Variants in GSE1 observed in about 807,000 individuals in gnomAD.
GSE1 encodes the protein Gse1 coiled-coil protein, also known as genetic suppressor element 1.
A neutral mutation model predicts 112.6 loss-of-function variants in GSE1; 32 were observed. The ratio of observed to expected loss-of-function variants is 0.28; its 90% CI spans 0.21 to 0.38. GSE1 has a LOEUF of 0.38. Ranked by LOEUF, GSE1 falls within the 10% of genes least tolerant of loss-of-function variation. GSE1 has a pLI of 1.00. For missense variants in GSE1, 2,348 were observed against 1,699.2 expected (o/e 1.38, Z -6.71); for synonymous variants, 1,115 against 735.6 (o/e 1.52, Z -8.35).
Position 85,500,365 on chromosome 16 carries a change from G to A in GSE1, c.2465-133549G>A, listed in dbSNP as rs554057140. ...TTTTCAATAGGTTTCAATCAATTAC[G>A]TGTGGTCTTGGGGAAGGGGAAGTGC... On this transcript the variant is annotated intron_variant, in intron 2 of 2. Transcript: ENST00000637419. Among the ~76,000 whole-genome samples, 15 of 152,310 alleles carry A rather than the reference G, an allele frequency of 9.8e-5. No individual in the cohort carries two copies. In the East Asian group the frequency reaches 2.5e-3, roughly 25 times the overall value.
At chr16:85,442,561 T>G (rs1213696262) in intron 2 of GSE1, among the ~76,000 whole-genome samples, 1 of 152,140 alleles carries the variant, frequency 6.6e-6, no homozygotes, top group Non-Finnish European at 1.5e-5. Context: ...TTGCACAGCA[T>G]CTAGGATCTG....
At chr16:85,312,886 C>G (rs1231668643) in intron 1 of GSE1, among the ~76,000 whole-genome samples, 1 of 152,126 alleles carries the variant, frequency 6.6e-6, no homozygotes, top group Non-Finnish European at 1.5e-5. Flanking sequence ...CCAACCCTGT[C>G]TAGGCTGGTG....
At chr16:85,388,172 A>ATGGG (rs1464667805) in intron 2 of GSE1, among the ~76,000 whole-genome samples, 1 of 141,234 alleles carries the variant, frequency 7.1e-6, no homozygotes, top group Non-Finnish European at 1.5e-5. Context: ...GAGTGGGTGG[A>ATGGG]TGGGTGGGTG....
intron 2 of GSE1, among the ~76,000 whole-genome samples, chr16:85,470,784 G>A (rs1208225680): frequency 1.3e-5 from 2 of 152,160 alleles, no homozygotes; most frequent in Non-Finnish European, 2.9e-5. Context: ...GAGAAACGCT[G>A]TGACCCAGTC....
At position 85,644,982 on chromosome 16, in the gene GSE1, G is replaced by A. The variant is rs570477072; in HGVS notation, c.227-3570G>A. Among the ~76,000 whole-genome samples the A allele has an allele frequency of 1.2e-4, 18 of 151,980 alleles. No homozygotes were observed. In the South Asian group the frequency reaches 2.7e-3, roughly 23 times the overall value. The stretch of plus-strand genomic sequence containing the variant: ...CGCCTAGACTGCCAGTGTCCAGAAC[G>A]AACCCACAGATCAGGAGGGCTGAGG... On this transcript the variant is annotated intron_variant, in intron 2 of 15. Transcript: ENST00000253458.
chr16:85,480,822 G>C (rs1807489251), intron 2 of GSE1, among the ~76,000 whole-genome samples: 1 of 152,142 alleles, frequency 6.6e-6, no homozygotes. Context: ...CCTGCTCCCT[G>C]AAGTTTTGAC....
At chr16:85,594,106 G>A (rs1168353458) in intron 1 of GSE1, 1 of 152,122 alleles carries the variant, frequency 6.6e-6, no homozygotes, top group East Asian at 1.9e-4. Context: ...GGAGGAAAGG[G>A]GCCTGGAGGA....
At chr16:85,536,601 C>T (rs889456431) in intron 2 of GSE1, among the ~76,000 whole-genome samples, 2 of 152,234 alleles carry the variant, frequency 1.3e-5, no homozygotes, top group Non-Finnish European at 2.9e-5. Context: ...TTCACCCACA[C>T]TCAGTGTGAC....
chr16:85,506,872 C>T (rs2051552838), intron 2 of GSE1, among the ~76,000 whole-genome samples: 1 of 152,174 alleles, frequency 6.6e-6, no homozygotes, highest in African/African-American at 2.4e-5. Flanking sequence ...GTGCCAGCAA[C>T]CCAGCAATCG....
intron 9 of GSE1, 190 bp from the exon 10 acceptor site, chr16:85,662,791 C>T (rs981752558): frequency 5.2e-5 from 29 of 562,026 alleles, no homozygotes; most frequent in Admixed American, 2.2e-4. Flanking sequence ...CTGGTGTCTG[C>T]GGTCCTGCAA....
intron 1 of GSE1, among the ~76,000 whole-genome samples, chr16:85,178,073 C>T (rs1337602054): frequency 1.3e-5 from 2 of 152,116 alleles, no homozygotes; most frequent in Non-Finnish European, 2.9e-5. Context: ...TGCTGGTGGG[C>T]GATGAGAGGT....
chr16:85,477,582 A>G (rs570722443), intron 2 of GSE1, among the ~76,000 whole-genome samples: 99 of 136,796 alleles, frequency 7.2e-4, no homozygotes, highest in Middle Eastern at 3.8e-3. Context: ...TTTTTTTGAG[A>G]TGGAGTCTCG....
Position 85,661,491 on chromosome 16 carries a change from G to A in GSE1, c.1986G>A (p.Leu662=). The stretch of plus-strand genomic sequence containing the variant: ...CGCCACCACGAGAGGGAGGGAGCCT[G>A]GAGCACCAGCCCTTCCTGCCCGGGC... The part of the protein sequence containing the change: ...PPPPPREGGS[L]EHQPFLPGPG... The change falls in exon 9 of 16, where the codon CTG becomes CTA. Residue 662 remains leucine (L), a synonymous_variant. Coordinates refer to ENST00000253458, the MANE Select transcript of GSE1 (RefSeq NM_014615.5). 6.2e-7 allele frequency: 1 copy of A among 1,611,854 alleles called. No individual in the cohort carries two copies. Among genetic ancestry groups the A allele is most frequent in the Non-Finnish European group, 8.5e-7 (1 of 1,179,550 alleles).
rs1008957801 is a variant in GSE1, at chr16:85,311,951, G to C, written c.2284-45512G>C. 2.0e-5 allele frequency among the ~76,000 whole-genome samples: 3 copies of C among 152,118 alleles called. No individual in the cohort carries two copies. Among genetic ancestry groups the C allele is most frequent in the African/African-American group, 7.2e-5 (3 of 41,430 alleles). ...CCCAGCACTGCCCAGCCCCAGCCCC[G>C]CACCACTGTCCTCATGTCTGGAGAT... On this transcript the variant is annotated intron_variant, in intron 1 of 2. Coordinates refer to the GSE1 transcript ENST00000637419. This position sits in a 1 kb window ranked among gnomAD's most constrained non-coding sequence, Gnocchi z 4.2.
At position 85,242,227 on chromosome 16, in the gene GSE1, G is replaced by A. The variant is rs115005116; in HGVS notation, c.2283+70420G>A. On this transcript the variant is annotated intron_variant, in intron 1 of 2. Coordinates refer to the GSE1 transcript ENST00000637419. ...GAGTGTAATGCCTTTCTGTCCACAA[G>A]CTTCAGTATCCTCTGCTCACCCCAG... Among the ~76,000 whole-genome samples the A allele has an allele frequency of 1.4e-3, 214 of 152,238 alleles. 2 individuals are homozygous for A. Among genetic ancestry groups the A allele is most frequent in the African/African-American group, 5.0e-3 (207 of 41,544 alleles).
intron 2 of GSE1, among the ~76,000 whole-genome samples, chr16:85,430,319 A>G (rs2049089823): frequency 6.6e-6 from 1 of 152,220 alleles, no homozygotes; most frequent in African/African-American, 2.4e-5. Flanking sequence ...GAGATCAGCC[A>G]TGATAATGGC....
At chr16:85,501,103 C>T (rs1232424009) in intron 2 of GSE1, among the ~76,000 whole-genome samples, 2 of 147,788 alleles carry the variant, frequency 1.4e-5, no homozygotes, top group Non-Finnish European at 3.0e-5. Context: ...CGGGTGCACA[C>T]CATTCTCCTG....
intron 2 of GSE1, among the ~76,000 whole-genome samples, chr16:85,489,397 G>A (rs1285805376): frequency 6.6e-6 from 1 of 152,046 alleles, no homozygotes; most frequent in African/African-American, 2.4e-5. Context: ...TAGAAACCAG[G>A]TGGTACATGG....
At chr16:85,491,634 G>A (rs1024695937) in intron 2 of GSE1, among the ~76,000 whole-genome samples, 4 of 152,084 alleles carry the variant, frequency 2.6e-5, no homozygotes, top group Non-Finnish European at 5.9e-5. Flanking sequence ...GTCATGGCCC[G>A]CCTGAGGAGT....
Sources: gnomAD v4.1 joint callset for allele counts (sites outside exome capture counted in the v4.1 genomes callset) on GRCh38, gnomAD v4.1.1 for gene constraint, Gnocchi (gnomAD v3.1) non-coding constraint, MANE v1.5 for transcripts, NCBI Gene and HGNC (gene_info 2026-07-23, HGNC 2026-07-21) for gene names.